The following IGSF10 variants were observed in gnomAD, a reference collection of about 807,000 sequenced individuals.
The protein encoded by IGSF10 is immunoglobulin superfamily member 10, also known as calvaria mechanical force protein 608.
Under a neutral mutation model 128.2 loss-of-function variants are expected in IGSF10, and 126 were observed. The observed-to-expected ratio is 0.98, with a 90% confidence interval of 0.85 to 1.14. IGSF10 has a LOEUF of 1.14. IGSF10 is among the 50% of genes most tolerant of loss of function. IGSF10 has a pLI of 0.00. For missense variants in IGSF10, 3,295 were observed against 3,149.8 expected (o/e 1.05, Z -1.10); for synonymous variants, 1,185 against 1,146.2 (o/e 1.03, Z -0.68).
At position 151,445,275 on chromosome 3, in the gene IGSF10, G is replaced by C. The variant is rs1721114847; in HGVS notation, c.4706C>G (p.Pro1569Arg). 2 of 1,614,090 alleles carry C rather than the reference G, an allele frequency of 1.2e-6. No homozygotes were observed. Among genetic ancestry groups the C allele is most frequent in the African/African-American group, 1.3e-5 (1 of 74,926 alleles). ...KSQNSKLTPS[P>R]WAENQFWHKP... Reference sequence around the variant, plus strand: ...GTGCCAAAATTGGTTTTCTGCCCAGGGAGATGGAGTTAATTTAGAATTCTG... The same window carrying C: ...GTGCCAAAATTGGTTTTCTGCCCAGCGAGATGGAGTTAATTTAGAATTCTG... Residue 1569 changes from proline (P) to arginine (R), a missense_variant, in exon 6 of 8, where the codon CCC (proline) becomes CGC (arginine). Physicochemically the swap from Pro to Arg is moderately radical, Grantham distance 103. Coordinates refer to ENST00000282466, the MANE Select transcript of IGSF10 (RefSeq NM_178822.5).
At chr3:151,482,958 G>T in the IGSF10 span, among the ~76,000 whole-genome samples, 1 of 151,526 alleles carries the variant, frequency 6.6e-6, no homozygotes, top group African/African-American at 2.4e-5. Flanking sequence ...TAGCAAATCT[G>T]TTATTCAAAA....
At chr3:151,521,448 A>G in the IGSF10 span, among the ~76,000 whole-genome samples, 1 of 152,022 alleles carries the variant, frequency 6.6e-6, no homozygotes, top group South Asian at 2.1e-4. Context: ...AAAACTGACC[A>G]CATAATTGGA....
the IGSF10 span, among the ~76,000 whole-genome samples, chr3:151,546,118 A>C: frequency 6.6e-6 from 1 of 151,788 alleles, no homozygotes; most frequent in Non-Finnish European, 1.5e-5. Flanking sequence ...GCTTTAGTGC[A>C]GTGGTTCTCA....
the IGSF10 span, among the ~76,000 whole-genome samples, chr3:151,501,683 C>A: frequency 6.6e-6 from 1 of 151,862 alleles, no homozygotes. Context: ...TTTGCACAAA[C>A]CAACAAACAA....
chr3:151,460,916 T>C (rs1056903967), intron 1 of IGSF10, 30 bp downstream of exon 1: 3 of 985,068 alleles, frequency 3.0e-6, no homozygotes, highest in Non-Finnish European at 3.6e-6. Context: ...TTCCAGCCCT[T>C]TCCGGGGAAG....
chr3:151,483,728 A>G, the IGSF10 span, among the ~76,000 whole-genome samples: 1 of 152,172 alleles, frequency 6.6e-6, no homozygotes, highest in African/African-American at 2.4e-5. Flanking sequence ...TCCCTCTCTT[A>G]GCCAAGGGAA....
At chr3:151,467,881 CA>C in the IGSF10 span, among the ~76,000 whole-genome samples, 1,052 of 113,232 alleles carry the variant, frequency 9.3e-3, 10 homozygotes, top group African/African-American at 0.032. Flanking sequence ...GACTCCATCT[CA>C]AAAAAAAAAA....
Position 151,448,128 on chromosome 3 carries a change from G to A in IGSF10, c.1853C>T (p.Ser618Leu), listed in dbSNP as rs764055726. The A allele has an allele frequency of 2.5e-6, 4 of 1,614,086 alleles. No homozygotes were observed. The Admixed American group carries it at 6.7e-5, about 27-fold the overall frequency. Residue 618 changes from serine to leucine, a missense_variant, in exon 6 of 8, where the codon TCA becomes TTA. Physicochemically the swap from Ser to Leu is moderately radical, Grantham distance 145 (BLOSUM62 -2). Coordinates refer to ENST00000282466, the MANE Select transcript of IGSF10 (RefSeq NM_178822.5). ...GTTTAGAACTTTCTTGTCTCTTGAT[G>A]ACTGATAGAGCACATTGTTTCCTGG... ...VIPGNNVLYQ[S>L]SRDKKVLNNG...
the IGSF10 span, among the ~76,000 whole-genome samples, chr3:151,479,649 C>T: frequency 1.3e-5 from 2 of 152,158 alleles, no homozygotes; most frequent in Non-Finnish European, 2.9e-5. Flanking sequence ...CAGAACAGAC[C>T]TTTCCTTGTT....
At chr3:151,467,781 G>A in the IGSF10 span, among the ~76,000 whole-genome samples, 2 of 151,902 alleles carry the variant, frequency 1.3e-5, no homozygotes, top group Non-Finnish European at 1.5e-5. Flanking sequence ...CTACTCGGGA[G>A]GCTGAGGCAG....
the IGSF10 span, among the ~76,000 whole-genome samples, chr3:151,600,739 T>G: frequency 1.3e-5 from 2 of 152,160 alleles, no homozygotes; most frequent in African/African-American, 4.8e-5. Context: ...TAGTGTATAT[T>G]TTCTTACCTT....
At chr3:151,559,320 G>A in the IGSF10 span, among the ~76,000 whole-genome samples, 21 of 152,208 alleles carry the variant, frequency 1.4e-4, no homozygotes, top group African/African-American at 4.8e-4. Context: ...TCAAGGTCTG[G>A]CTTCACATGC....
rs200040635 is a variant in IGSF10 at position 151,448,809 on chromosome 3, C to T, written c.1172G>A (p.Ser391Asn). ...CTGCGGTGTTTCACTAAGCAAGTGG[C>T]TCCTTTCTAGTATCAGAGGAGAATC... is the stretch of plus-strand genomic sequence containing the variant. ...YSDSPLILER[S>N]HLLSETPQLY... Residue 391 changes from serine (S) to asparagine (N), a missense_variant, in exon 6 of 8, where the codon AGC becomes AAC. Coordinates refer to ENST00000282466, the MANE Select transcript of IGSF10 (RefSeq NM_178822.5). The T allele has an allele frequency of 1.5e-5, 25 of 1,613,446 alleles. No homozygotes were observed. Among genetic ancestry groups the T allele is most frequent in the Non-Finnish European group, 2.0e-5 (24 of 1,179,382 alleles).
At chr3:151,527,754 A>T in the IGSF10 span, among the ~76,000 whole-genome samples, 1 of 152,152 alleles carries the variant, frequency 6.6e-6, no homozygotes, top group East Asian at 1.9e-4. Context: ...GTTTGAGACC[A>T]GCCTGGGCAA....
the IGSF10 span, among the ~76,000 whole-genome samples, chr3:151,583,938 G>A: frequency 6.6e-6 from 1 of 152,028 alleles, no homozygotes; most frequent in Non-Finnish European, 1.5e-5. Context: ...TCTGTCATTC[G>A]ATGGTATATT....
At chr3:151,480,943 T>C in the IGSF10 span, among the ~76,000 whole-genome samples, 830 of 152,224 alleles carry the variant, frequency 5.5e-3, 7 homozygotes, top group African/African-American at 0.019. Context: ...AGAACAGGCA[T>C]AGTACCCTGT....
the IGSF10 span, among the ~76,000 whole-genome samples, chr3:151,484,179 G>T: frequency 3.3e-5 from 5 of 152,226 alleles, no homozygotes; most frequent in African/African-American, 9.6e-5. Context: ...AAACAAAGCC[G>T]CTTGGAAGTT....
the IGSF10 span, among the ~76,000 whole-genome samples, chr3:151,587,181 T>A: frequency 6.6e-6 from 1 of 152,188 alleles, no homozygotes; most frequent in African/African-American, 2.4e-5. Flanking sequence ...GACACCATAG[T>A]TCTTAGAAGA....
At chr3:151,461,149 A>T, upstream of IGSF10, 1 of 985,352 alleles carries the variant, frequency 1.0e-6, no homozygotes, top group Non-Finnish European at 1.2e-6. Flanking sequence ...AGAAACGACC[A>T]CCGGGCCCCT....
Sources: allele counts gnomAD v4.1 joint callset (sites outside exome capture counted in the v4.1 genomes callset), GRCh38; gene constraint gnomAD v4.1.1; transcripts MANE v1.5; gene names NCBI Gene and HGNC (gene_info 2026-07-23, HGNC 2026-07-21).